Variants in SLCO1B3 observed in about 807,000 individuals in gnomAD.
SLCO1B3 encodes the protein solute carrier organic anion transporter family member 1B3.
A neutral mutation model predicts 71.8 loss-of-function variants in SLCO1B3; 72 were observed. That is an observed-to-expected ratio of 1.00 (90% confidence interval 0.83 to 1.22). The LOEUF (loss-of-function observed/expected upper bound fraction) is 1.22. SLCO1B3 is among the 50% of genes most tolerant of loss of function. The pLI, the probability that SLCO1B3 is intolerant of heterozygous loss-of-function variation, is 0.00. For missense variants in SLCO1B3, 911 were observed against 819.7 expected (o/e 1.11, Z -1.36); for synonymous variants, 298 against 278.4 (o/e 1.07, Z -0.70).
chr12:20,894,535 G>C (rs1453371529), intron 13 of SLCO1B3, among the ~76,000 whole-genome samples: 1 of 151,942 alleles, frequency 6.6e-6, no homozygotes, highest in Non-Finnish European at 1.5e-5. Context: ...CCTTCCCCTG[G>C]GTGAAAATAC....
intron 8 of SLCO1B3, among the ~76,000 whole-genome samples, chr12:20,871,248 AG>A (rs1239014696): frequency 7.9e-5 from 12 of 152,142 alleles, no homozygotes; most frequent in African/African-American, 2.7e-4. Context: ...TGGTTTGAAT[AG>A]TATTGGCATT....
At chr12:20,822,885 T>C (rs569692342) in intron 3 of SLCO1B3, among the ~76,000 whole-genome samples, 1 of 152,210 alleles carries the variant, frequency 6.6e-6, no homozygotes, top group Non-Finnish European at 1.5e-5. Context: ...GTTTTTATTT[T>C]CCTTTCATAC....
intron 3 of SLCO1B3, among the ~76,000 whole-genome samples, chr12:20,839,790 G>A (rs973544189): frequency 1.3e-5 from 2 of 151,982 alleles, no homozygotes; most frequent in African/African-American, 4.8e-5. Context: ...CCTATTATGT[G>A]CATGTTGCTA....
chr12:20,873,519 A>G (rs1457196722), intron 8 of SLCO1B3, among the ~76,000 whole-genome samples: 2 of 152,164 alleles, frequency 1.3e-5, no homozygotes, highest in African/African-American at 4.8e-5. Flanking sequence ...AAGCTAATCT[A>G]TTGGGTAGCA....
chr12:20,829,609 C>A (rs1202740840), intron 3 of SLCO1B3, among the ~76,000 whole-genome samples: 6 of 152,160 alleles, frequency 3.9e-5, no homozygotes, highest in African/African-American at 1.4e-4. Flanking sequence ...GGTCCCAATC[C>A]AGACCACAAG....
At chr12:20,855,774 A>G (rs1865121737) in intron 4 of SLCO1B3, among the ~76,000 whole-genome samples, 1 of 150,518 alleles carries the variant, frequency 6.6e-6, no homozygotes. Flanking sequence ...ATAATTGAAA[A>G]TAATATATTT....
At chr12:20,899,218 T>G (rs541215321) in intron 14 of SLCO1B3, among the ~76,000 whole-genome samples, 2 of 152,212 alleles carry the variant, frequency 1.3e-5, no homozygotes, top group East Asian at 3.8e-4. Context: ...CCATTTGCCT[T>G]TTTTACTGCA....
rs1419710346 is a variant in SLCO1B3, at chr12:20,880,174, T to C, written c.1331+543T>C. Among the ~76,000 whole-genome samples, 3 of 151,380 alleles carry C rather than the reference T, an allele frequency of 2.0e-5. No individual in the cohort carries two copies. The East Asian group carries it at 5.8e-4, about 29-fold the overall frequency. On this transcript the variant is annotated intron_variant, in intron 11 of 15. Coordinates refer to ENST00000381545, the MANE Select transcript of SLCO1B3 (RefSeq NM_019844.4). Reference sequence around the variant, plus strand: ...TTATACAAATAACATTTTATAATTTTAGTCATAATATAAAATTATATCTTA... The same window carrying C: ...TTATACAAATAACATTTTATAATTTCAGTCATAATATAAAATTATATCTTA...
intron 8 of SLCO1B3, among the ~76,000 whole-genome samples, chr12:20,866,097 A>G (rs1865369329): frequency 6.6e-6 from 1 of 152,178 alleles, no homozygotes; most frequent in South Asian, 2.1e-4. Flanking sequence ...AAGTGCTGTA[A>G]CATCAACCTT....
intron 8 of SLCO1B3, among the ~76,000 whole-genome samples, chr12:20,863,862 G>A (rs1380285562): frequency 6.6e-6 from 1 of 152,008 alleles, no homozygotes; most frequent in African/African-American, 2.4e-5. Flanking sequence ...CAGCTTCTAT[G>A]TAATTTACTA....
chr12:20,901,249 C>T (rs904392594), intron 14 of SLCO1B3, 101 bp from the exon 15 acceptor site: 2 of 813,966 alleles, frequency 2.5e-6, no homozygotes, highest in African/African-American at 1.8e-5. Context: ...TTTTCCAAAA[C>T]TTTAAACTTG....
chr12:20,853,710 T>C (rs1313800508), intron 3 of SLCO1B3, among the ~76,000 whole-genome samples: 2 of 151,972 alleles, frequency 1.3e-5, no homozygotes, highest in Admixed American at 6.5e-5. Context: ...TGTTTTTGTT[T>C]ATTTTCTATT....
rs188500840 is a variant in SLCO1B3, at chr12:20,883,508, T to C, written c.1588T>C (p.Cys530Arg). ...GGGTGAATGCCCAAGAGATAATACT[T>C]GTACAAGGAAATTTTTCATCTATGT... ...HLGECPRDNT[C>R]TRKFFIYVAI... The change falls in exon 13 of 16, where the codon TGT (cysteine) becomes CGT (arginine). Residue 530 changes from cysteine to arginine, a missense_variant. Transcript: ENST00000381545. 59 of 1,605,290 alleles carry C rather than the reference T, an allele frequency of 3.7e-5. No individual in the cohort carries two copies. The Admixed American group carries it at 9.3e-4, about 25-fold the overall frequency.
At chr12:20,835,344 A>G (rs1864656758) in intron 3 of SLCO1B3, among the ~76,000 whole-genome samples, 1 of 152,060 alleles carries the variant, frequency 6.6e-6, no homozygotes, top group Non-Finnish European at 1.5e-5. Flanking sequence ...TTACTTACTC[A>G]AATTTCTGCT....
At chr12:20,896,321 C>T (rs1591786964) in intron 13 of SLCO1B3, among the ~76,000 whole-genome samples, 1 of 152,312 alleles carries the variant, frequency 6.6e-6, no homozygotes, top group East Asian at 1.9e-4. Context: ...AACTTTTATG[C>T]TCTGCTTCCC....
Position 20,815,693 on chromosome 12 carries a change from C to T in SLCO1B3, c.-46C>T. On this transcript the variant is annotated 5_prime_UTR_variant, in exon 3 of 16. Transcript: ENST00000381545. ...TAACAGGTGATCATTTCAAACCAAG[C>T]ATCAGCAACAATTAAAAATATTCAC... 1 of 1,224,248 alleles carries T rather than the reference C, an allele frequency of 8.2e-7. No homozygotes were observed. The highest frequency in any genetic ancestry group is 1.2e-6 in the Non-Finnish European group (1 of 839,708). The allele number at this position is 1,224,248 out of a possible 1,614,324, so 75.8% of individuals were successfully genotyped here.
intron 6 of SLCO1B3, among the ~76,000 whole-genome samples, chr12:20,861,532 A>G (rs974766316): frequency 2.6e-5 from 4 of 152,198 alleles, no homozygotes; most frequent in African/African-American, 9.6e-5. Context: ...TTAGAAGTAG[A>G]TAAGAAAAAA....
intron 3 of SLCO1B3, among the ~76,000 whole-genome samples, chr12:20,825,814 AAAG>A (rs1172511120): frequency 1.0e-4 from 15 of 150,668 alleles, no homozygotes; most frequent in African/African-American, 2.2e-4. Context: ...AAAAAAAAAA[AAAG>A]AAAGAAAGAA....
At chr12:20,841,551 C>A (rs1515768) in intron 3 of SLCO1B3, among the ~76,000 whole-genome samples, 110,075 of 151,964 alleles carry the variant, frequency 0.72, 42,447 homozygotes, top group South Asian at 0.9. Context: ...CTACTTTTTG[C>A]AACCTGTTGA....
Sources: gnomAD v4.1 joint callset for allele counts (sites outside exome capture counted in the v4.1 genomes callset) on GRCh38, gnomAD v4.1.1 for gene constraint, MANE v1.5 for transcripts, NCBI Gene and HGNC (gene_info 2026-07-23, HGNC 2026-07-21) for gene names.